The following MACROD2 variants were observed in gnomAD, a reference collection of about 807,000 sequenced individuals.
MACROD2 encodes the protein ADP-ribose glycohydrolase MACROD2.
Under a neutral mutation model 70.4 loss-of-function variants are expected in MACROD2, and 36 were observed. That is an observed-to-expected ratio of 0.51 (90% CI 0.39 to 0.68). The LOEUF (loss-of-function observed/expected upper bound fraction) is 0.68, where lower values mean the gene tolerates loss of function less well. MACROD2 is among the 30% of genes least tolerant of loss of function. The pLI is 0.00. For missense variants in MACROD2, 496 were observed against 538.4 expected (o/e 0.92, Z 0.78); for synonymous variants, 172 against 178.8 (o/e 0.96, Z 0.30).
intron 3 of MACROD2, among the ~76,000 whole-genome samples, chr20:14,271,491 T>G (rs2082195431): frequency 6.6e-6 from 1 of 152,200 alleles, no homozygotes; most frequent in Non-Finnish European, 1.5e-5. Flanking sequence ...AAAACCCATC[T>G]GCACATCACC....
intron 3 of MACROD2, among the ~76,000 whole-genome samples, chr20:14,406,957 A>G (rs1352716269): frequency 6.6e-6 from 1 of 152,092 alleles, no homozygotes. Context: ...TGGGCTTTTA[A>G]TATGAAGCTG....
intron 4 of MACROD2, among the ~76,000 whole-genome samples, chr20:14,506,812 G>A (rs972347912): frequency 6.6e-6 from 1 of 152,086 alleles, no homozygotes; most frequent in Admixed American, 6.6e-5. Context: ...TTAGCCGGAC[G>A]TGGTGGCACG....
At chr20:14,466,154 G>T (rs1188155059) in intron 3 of MACROD2, among the ~76,000 whole-genome samples, 1 of 152,032 alleles carries the variant, frequency 6.6e-6, no homozygotes, top group Non-Finnish European at 1.5e-5. Flanking sequence ...CATTCTCCCC[G>T]TCACTTTCAG....
rs547822736 is a variant in MACROD2, at chr20:14,571,966, C to G, written c.301+78458C>G. 2.6e-4 allele frequency among the ~76,000 whole-genome samples: 40 copies of G among 152,122 alleles called. No homozygotes were observed. In the South Asian group the frequency reaches 8.3e-3, roughly 32 times the overall value. ...ACAGTAATGAAAAAGAAGAAAAAGG[C>G]TATCATCACTCTAATAAAATGATTA... On this transcript the variant is annotated intron_variant, in intron 4 of 17. Coordinates refer to ENST00000684519, the MANE Select transcript of MACROD2 (RefSeq NM_001351661.2).
intron 4 of MACROD2, among the ~76,000 whole-genome samples, chr20:14,555,078 G>T (rs901744223): frequency 7.9e-5 from 12 of 151,894 alleles, no homozygotes; most frequent in Non-Finnish European, 1.5e-5. Flanking sequence ...AGTCAACAAT[G>T]ACTTAATTGT....
chr20:14,406,436 G>A (rs2083691836), intron 3 of MACROD2, among the ~76,000 whole-genome samples: 1 of 152,062 alleles, frequency 6.6e-6, no homozygotes, highest in Non-Finnish European at 1.5e-5. Context: ...AAGGGAACCT[G>A]GTACAAAGAA....
At chr20:14,661,602 A>G (rs1986228992) in intron 4 of MACROD2, among the ~76,000 whole-genome samples, 2 of 151,932 alleles carry the variant, frequency 1.3e-5, no homozygotes, top group South Asian at 4.1e-4. Context: ...TTGCTTTTGA[A>G]GATTTATCAT....
rs573786448 is a variant in MACROD2 at position 15,263,557 on chromosome 20, T to C, written c.540+33496T>C. Among the ~76,000 whole-genome samples the C allele has an allele frequency of 3.3e-3, 499 of 152,230 alleles. 1 individual carries two copies. Among genetic ancestry groups the C allele is most frequent in the African/African-American group, 0.011 (468 of 41,574 alleles). On this transcript the variant is annotated intron_variant, in intron 6 of 17. Coordinates refer to ENST00000684519, the MANE Select transcript of MACROD2 (RefSeq NM_001351661.2). The stretch of plus-strand genomic sequence containing the variant: ...TAATTTTTAGGATTTTTTATCTATT[T>C]CTGTGAAAAACGTCATTGGCATTTT...
chr20:14,658,049 A>G (rs1024451511), intron 4 of MACROD2, among the ~76,000 whole-genome samples: 1 of 151,762 alleles, frequency 6.6e-6, no homozygotes, highest in Non-Finnish European at 1.5e-5. Flanking sequence ...ACTGCATTGC[A>G]GTTAAGCCTT....
intron 6 of MACROD2, among the ~76,000 whole-genome samples, chr20:15,357,798 CTTTTTTTTTTTTT>C (rs200860242): frequency 7.4e-6 from 1 of 135,634 alleles, no homozygotes; most frequent in Non-Finnish European, 1.6e-5. Flanking sequence ...TTCATTCATT[CTTTTTTTTTTTTT>C]TTTTTTTTTT....
chr20:15,097,265 T>G (rs2075840798), intron 5 of MACROD2, among the ~76,000 whole-genome samples: 1 of 152,192 alleles, frequency 6.6e-6, no homozygotes, highest in African/African-American at 2.4e-5. Context: ...AGTGTGGTAT[T>G]TTGCATTGTA....
Position 13,995,551 on chromosome 20 carries a change from G to A in MACROD2, c.-213G>A, listed in dbSNP as rs1366507419. On this transcript the variant is annotated 5_prime_UTR_variant, in exon 1 of 18. Coordinates refer to ENST00000684519, the MANE Select transcript of MACROD2 (RefSeq NM_001351661.2). The surrounding 1 kb of genome is among the most constrained non-coding windows in gnomAD (Gnocchi z 4.3). Reference sequence around the variant, plus strand: ...GAGGTGCTGCTGTGGCGGCGTCCGCGGGGCTGAGGCGGGTGGGAGCCGGAG... The same window carrying A: ...GAGGTGCTGCTGTGGCGGCGTCCGCAGGGCTGAGGCGGGTGGGAGCCGGAG... 4.7e-6 allele frequency: 3 copies of A among 639,780 alleles called. No individual in the cohort carries two copies. The highest frequency in any genetic ancestry group is 1.8e-5 in the South Asian group (1 of 56,368). 39.6% of individuals were successfully genotyped at this position (639,780 alleles called of 1,614,324 possible). A position where few individuals can be genotyped will look rare whatever the true frequency, so the allele number is the denominator to read the frequency against.
chr20:15,039,724 TGGAGACAGCAGGTACTTAC>T (rs887691980), intron 5 of MACROD2, among the ~76,000 whole-genome samples: 4 of 152,102 alleles, frequency 2.6e-5, no homozygotes, highest in East Asian at 3.9e-4. Context: ...AGAAATCAAC[TGGAGACAGCAGGTACTTAC>T]GGAGACAGCA....
intron 5 of MACROD2, among the ~76,000 whole-genome samples, chr20:15,049,295 GAGA>G: frequency 1.3e-5 from 2 of 151,514 alleles, no homozygotes. Flanking sequence ...AAGAAAGAGG[GAGA>G]AGAAGAAAGA....
At chr20:14,187,782 T>C (rs532282509) in intron 3 of MACROD2, among the ~76,000 whole-genome samples, 1 of 152,318 alleles carries the variant, frequency 6.6e-6, no homozygotes, top group South Asian at 2.1e-4. Flanking sequence ...TTGCCTGTGC[T>C]CAGCCTATCT....
At chr20:15,659,308 T>A (rs2049781661) in intron 8 of MACROD2, among the ~76,000 whole-genome samples, 1 of 31,070 alleles carries the variant, frequency 3.2e-5, no homozygotes, top group South Asian at 2.2e-3. Context: ...GCACAGCTTT[T>A]TTTTTTTTTT....
At chr20:14,108,456 C>A (rs2054400895) in intron 3 of MACROD2, among the ~76,000 whole-genome samples, 3 of 145,350 alleles carry the variant, frequency 2.1e-5, no homozygotes, top group African/African-American at 2.6e-5. Context: ...AATCAAAAGA[C>A]ATAAAGTGGC....
At chr20:15,557,999 T>C (rs570230538) in intron 8 of MACROD2, among the ~76,000 whole-genome samples, 1 of 152,220 alleles carries the variant, frequency 6.6e-6, no homozygotes, top group Non-Finnish European at 1.5e-5. Flanking sequence ...TGTTAGGCAC[T>C]GTAATACGCT....
At chr20:15,903,897 C>T (rs1260661746) in intron 10 of MACROD2, among the ~76,000 whole-genome samples, 1 of 152,260 alleles carries the variant, frequency 6.6e-6, no homozygotes, top group East Asian at 1.9e-4. Context: ...TAATTGGTCA[C>T]TTTTGGACAC....
Sources: allele counts gnomAD v4.1 joint callset (sites outside exome capture counted in the v4.1 genomes callset), GRCh38; gene constraint gnomAD v4.1.1; non-coding constraint Gnocchi (gnomAD v3.1); transcripts MANE v1.5; gene names NCBI Gene and HGNC (gene_info 2026-07-23, HGNC 2026-07-21).